DPYD: variants seen among roughly 807,000 people sequenced by gnomAD.
DPYD encodes dihydropyrimidine dehydrogenase, also known as dihydropyrimidine dehydrogenase [NADP(+)].
DPYD carries 109 observed loss-of-function variants against 116.2 expected under a neutral mutation model. That is an observed-to-expected ratio of 0.94 (90% confidence interval 0.80 to 1.10). DPYD has a LOEUF of 1.10. Ranked by LOEUF, DPYD falls within the 50% of genes least tolerant of loss-of-function variation. DPYD has a pLI of 0.00. For missense variants in DPYD, 1,302 were observed against 1,254.5 expected (o/e 1.04, Z -0.57); for synonymous variants, 440 against 432.0 (o/e 1.02, Z -0.23).
chr1:97,382,521 T>C (rs1355384400), intron 14 of DPYD, 60 bp from the exon 15 acceptor site: 3 of 940,592 alleles, frequency 3.2e-6, no homozygotes, highest in Non-Finnish European at 4.7e-6. Flanking sequence ...TACACAAAGA[T>C]ATATTAATAT....
chr1:97,546,949 G>A (rs1367430465), intron 12 of DPYD: 7 of 1,606,850 alleles, frequency 4.4e-6, no homozygotes, highest in Non-Finnish European at 6.0e-6. Flanking sequence ...GGAGGAAGAG[G>A]AAGATGATGA....
intron 20 of DPYD, among the ~76,000 whole-genome samples, chr1:97,162,104 GTC>G (rs1655954216): frequency 2.0e-5 from 3 of 151,968 alleles, no homozygotes; most frequent in Admixed American, 2.0e-4. Context: ...GGATGGCTGG[GTC>G]AAATGGTATT....
Position 97,146,168 on chromosome 1 carries a change from G to T in DPYD, c.2622+46901C>A, listed in dbSNP as rs188109411. Among the ~76,000 whole-genome samples, 208 of 152,238 alleles carry T rather than the reference G, an allele frequency of 1.4e-3. 3 individuals are homozygous for T. The Middle Eastern group carries it at 0.048, about 35-fold the overall frequency. On this transcript the variant is annotated intron_variant, in intron 20 of 22. Coordinates refer to ENST00000370192, the MANE Select transcript of DPYD (RefSeq NM_000110.4). ...TTAGATGAACCTAAAGCTTTGGGAA[G>T]AAATGGGTGAGATGCTAATCTATCC...
At chr1:97,886,662 G>A (rs535008759) in intron 1 of DPYD, among the ~76,000 whole-genome samples, 2 of 152,132 alleles carry the variant, frequency 1.3e-5, no homozygotes, top group South Asian at 2.1e-4. Flanking sequence ...CAAGCCATAA[G>A]AACAGAGAGG....
At chr1:97,582,810 T>C (rs983956588) in intron 10 of DPYD, among the ~76,000 whole-genome samples, 2 of 152,240 alleles carry the variant, frequency 1.3e-5, no homozygotes, top group Non-Finnish European at 2.9e-5. Context: ...TGGATAAATA[T>C]AGTCGTCCCT....
chr1:97,380,896 A>G (rs561554724), intron 15 of DPYD, among the ~76,000 whole-genome samples: 250 of 152,334 alleles, frequency 1.6e-3, no homozygotes, highest in Middle Eastern at 0.01. Flanking sequence ...GGTGCCTACC[A>G]TATGAGCTGT....
At chr1:97,916,702 CA>C (rs2101718906) in intron 1 of DPYD, among the ~76,000 whole-genome samples, 1 of 152,164 alleles carries the variant, frequency 6.6e-6, no homozygotes, top group East Asian at 1.9e-4. Flanking sequence ...ATTAAACTAC[CA>C]AAACTATTCA....
chr1:97,721,784 G>T, intron 4 of DPYD, 113 bp from the exon 5 acceptor site: 1 of 1,005,998 alleles, frequency 9.9e-7, no homozygotes, highest in Non-Finnish European at 1.5e-6. Flanking sequence ...ATAATGATGT[G>T]TATAAGATGC....
At chr1:97,240,219 GC>G (rs1411835355) in intron 18 of DPYD, among the ~76,000 whole-genome samples, 1 of 150,550 alleles carries the variant, frequency 6.6e-6, no homozygotes, top group Admixed American at 6.6e-5. Context: ...GCCTCAAAAG[GC>G]TGACATCAAT....
At chr1:97,598,263 A>G (rs895730636) in intron 8 of DPYD, among the ~76,000 whole-genome samples, 4 of 152,218 alleles carry the variant, frequency 2.6e-5, no homozygotes, top group Non-Finnish European at 5.9e-5. Flanking sequence ...GCAAATAGTC[A>G]TCTATCAAAG....
In DPYD at chr1:97,103,382, A is replaced by G. The variant is rs77889361; in HGVS notation, c.2623-4750T>C. On this transcript the variant is annotated intron_variant, in intron 20 of 22. Coordinates refer to ENST00000370192, the MANE Select transcript of DPYD (RefSeq NM_000110.4). ...TTAATCACCGATATAACAGTAAGCAATGTTTCATGATATTATCAAATTTGG... is the reference window on the plus strand; with the variant it reads ...TTAATCACCGATATAACAGTAAGCAGTGTTTCATGATATTATCAAATTTGG... Among the ~76,000 whole-genome samples the G allele has an allele frequency of 8.1e-3, 1,226 of 152,214 alleles. 11 individuals are homozygous for G. The highest frequency in any genetic ancestry group is 0.028 in the African/African-American group (1,149 of 41,538).
intron 16 of DPYD, among the ~76,000 whole-genome samples, chr1:97,355,466 C>T (rs1670380752): frequency 6.6e-6 from 1 of 152,088 alleles, no homozygotes; most frequent in African/African-American, 2.4e-5. Flanking sequence ...ACTATATTCA[C>T]CATGTTTTAC....
At chr1:97,789,573 A>G (rs1161635415) in intron 3 of DPYD, among the ~76,000 whole-genome samples, 1 of 152,198 alleles carries the variant, frequency 6.6e-6, no homozygotes, top group East Asian at 1.9e-4. Flanking sequence ...AAGTCATATT[A>G]TTTATTGTAG....
intron 3 of DPYD, among the ~76,000 whole-genome samples, chr1:97,819,728 C>T (rs557663261): frequency 2.0e-4 from 30 of 152,124 alleles, no homozygotes; most frequent in Admixed American, 4.6e-4. Context: ...TGTCCTTCCA[C>T]TCTTCCATTT....
chr1:97,537,564 T>C (rs1355155857), intron 12 of DPYD, among the ~76,000 whole-genome samples: 1 of 152,192 alleles, frequency 6.6e-6, no homozygotes, highest in Admixed American at 6.5e-5. Context: ...TTTATTGATA[T>C]GAATGCACAC....
chr1:97,561,154 T>G (rs1208018581), intron 11 of DPYD, among the ~76,000 whole-genome samples: 1 of 152,184 alleles, frequency 6.6e-6, no homozygotes, highest in African/African-American at 2.4e-5. Context: ...TAATCTCTGT[T>G]TAGAAGCTCA....
At chr1:97,615,986 G>C (rs1010466663) in intron 8 of DPYD, among the ~76,000 whole-genome samples, 1 of 151,962 alleles carries the variant, frequency 6.6e-6, no homozygotes, top group Admixed American at 6.6e-5. Context: ...TGAAGCATAT[G>C]ATACGTTAAC....
intron 14 of DPYD, among the ~76,000 whole-genome samples, chr1:97,422,100 A>G (rs891290305): frequency 2.6e-5 from 4 of 152,198 alleles, no homozygotes; most frequent in Non-Finnish European, 4.4e-5. Flanking sequence ...GATATTAGGA[A>G]TTAACTTTTT....
intron 18 of DPYD, among the ~76,000 whole-genome samples, chr1:97,248,830 A>G (rs551078728): frequency 6.6e-6 from 1 of 152,186 alleles, no homozygotes; most frequent in African/African-American, 2.4e-5. Flanking sequence ...AAGCAATTAG[A>G]AAGTTAAAAA....
Sources: allele counts gnomAD v4.1 joint callset (sites outside exome capture counted in the v4.1 genomes callset), GRCh38; gene constraint gnomAD v4.1.1; transcripts MANE v1.5; gene names NCBI Gene and HGNC (gene_info 2026-07-23, HGNC 2026-07-21).